Variants in MAGEB3 observed in about 807,000 individuals in gnomAD.
The protein encoded by MAGEB3 is melanoma-associated antigen B3.
For missense variants in MAGEB3, 191 were observed against 262.4 expected (o/e 0.73, Z 1.88); for synonymous variants, 91 against 93.0 (o/e 0.98, Z 0.12).
chrX:30,234,254 T>C (rs1052934186), intron 4 of MAGEB3, among the ~76,000 whole-genome samples: 10 of 109,587 alleles, frequency 9.1e-5, no homozygotes, highest in Non-Finnish European at 1.9e-4. Context: ...AATTTCAGGC[T>C]GTGATAAGAT....
Position 30,236,237 on chromosome X carries a change from C to G in MAGEB3, c.313C>G (p.Gln105Glu). 4 of 1,206,394 alleles carry G rather than the reference C, an allele frequency of 3.3e-6. No individual in the cohort carries two copies. The highest frequency in any genetic ancestry group is 3.4e-6 in the Non-Finnish European group (3 of 892,086). Residue 105 changes from glutamine to glutamate, a missense_variant, in exon 5 of 5, where the codon CAG (glutamine) becomes GAG (glutamate). Physicochemically the swap from Gln to Glu is conservative, Grantham distance 29. Transcript: ENST00000361644. Reference protein sequence around the residue: ...SFSQGLSSTVQSRTDPLIMKT... With the variant: ...SFSQGLSSTVESRTDPLIMKT... The stretch of plus-strand genomic sequence containing the variant: ...CTCTCAGGGTCTATCCTCCACTGTG[C>G]AGTCTCGCACAGACCCTCTAATCAT...
rs1298833123 is a variant in MAGEB3 at position 30,233,359 on chromosome X, T to C, written c.-66T>C. ...GAGTTCGAGGACTGGGAGGTGGAGGTTGTGGTAAGTCAAGATTGCGCGGCT... is the reference window on the plus strand; with the variant it reads ...GAGTTCGAGGACTGGGAGGTGGAGGCTGTGGTAAGTCAAGATTGCGCGGCT... On this transcript the variant is annotated 5_prime_UTR_variant, in exon 4 of 5. Transcript: ENST00000361644. The C allele has an allele frequency of 1.4e-5, 1 of 71,917 alleles. No individual in the cohort carries two copies. Among genetic ancestry groups the C allele is most frequent in the Non-Finnish European group, 2.6e-5 (1 of 38,549 alleles). The allele number at this position is 71,917 out of a possible 1,213,427, so 5.9% of individuals were successfully genotyped here.
chrX:30,235,964 A>C lies in MAGEB3; in HGVS notation c.40A>C (p.Lys14Gln), dbSNP rs912224434. 1.1e-5 allele frequency: 13 copies of C among 1,208,114 alleles called. No individual in the cohort carries two copies. Among genetic ancestry groups the C allele is most frequent in the African/African-American group, 1.8e-5 (1 of 56,908 alleles). ...GQKSTLHARE[K>Q]RQQTRGQTQD... Reference sequence around the variant, plus strand: ...GAAGAGTACGCTCCATGCACGTGAGAAACGCCAGCAGACCCGGGGTCAGAC... The same window carrying C: ...GAAGAGTACGCTCCATGCACGTGAGCAACGCCAGCAGACCCGGGGTCAGAC... The change falls in exon 5 of 5, where the codon AAA becomes CAA. Residue 14 changes from lysine (K) to glutamine (Q), a missense_variant. Physicochemically the swap from Lys to Gln is moderately conservative, Grantham distance 53 (BLOSUM62 1). Transcript: ENST00000361644.
At chrX:30,232,211 T>C (rs771593474) in intron 2 of MAGEB3, among the ~76,000 whole-genome samples, 1 of 111,470 alleles carries the variant, frequency 9.0e-6, no homozygotes, top group South Asian at 3.8e-4. Flanking sequence ...TAGGCGGAAC[T>C]ATAAAACTGG....
chrX:30,234,339 C>T (rs969694609), intron 4 of MAGEB3, among the ~76,000 whole-genome samples: 36 of 111,023 alleles, frequency 3.2e-4, no homozygotes, highest in African/African-American at 1.1e-3. Context: ...GAGTTCCACC[C>T]GTGTTGTCAG....
At position 30,236,235 on chromosome X, in the gene MAGEB3, T is replaced by C. The variant is rs1924974968; in HGVS notation, c.311T>C (p.Val104Ala). 1.7e-6 allele frequency: 2 copies of C among 1,209,531 alleles called. No individual in the cohort carries two copies. Among genetic ancestry groups the C allele is most frequent in the Non-Finnish European group, 2.2e-6 (2 of 893,918 alleles). ...TTCTCTCAGGGTCTATCCTCCACTGTGCAGTCTCGCACAGACCCTCTAATC... is the reference window on the plus strand; with the variant it reads ...TTCTCTCAGGGTCTATCCTCCACTGCGCAGTCTCGCACAGACCCTCTAATC... ...QSFSQGLSST[V>A]QSRTDPLIMK... Residue 104 changes from valine (V) to alanine (A), a missense_variant, in exon 5 of 5, where the codon GTG becomes GCG. By Grantham distance (64) the Val-to-Ala change is moderately conservative. Coordinates refer to ENST00000361644, the MANE Select transcript of MAGEB3 (RefSeq NM_002365.5).
chrX:30,236,744 C>T lies in MAGEB3; in HGVS notation c.820C>T (p.Leu274=), dbSNP rs1924992119. Residue 274 remains leucine (L), a synonymous_variant, in exon 5 of 5, where the codon CTG becomes TTG. Transcript: ENST00000361644. The part of the protein sequence containing the change: ...PNSNPARYEF[L]WGPRAHAETS... ...CAGTAATCCTGCACGCTATGAATTC[C>T]TGTGGGGTCCAAGAGCCCATGCTGA... The T allele has an allele frequency of 2.1e-5, 25 of 1,212,112 alleles. No homozygotes were observed. Among genetic ancestry groups the T allele is most frequent in the Non-Finnish European group, 2.7e-5 (24 of 895,563 alleles).
At chrX:30,235,171 C>A (rs2147338462) in intron 4 of MAGEB3, among the ~76,000 whole-genome samples, 1 of 111,579 alleles carries the variant, frequency 9.0e-6, no homozygotes, top group African/African-American at 3.3e-5. Flanking sequence ...AAAGAAGAGA[C>A]AACAAAGATT....
chrX:30,232,244 C>T (rs1924820200), intron 2 of MAGEB3, among the ~76,000 whole-genome samples: 1 of 111,466 alleles, frequency 9.0e-6, no homozygotes, highest in African/African-American at 3.3e-5. Context: ...TTCAGCCTGG[C>T]GGGTCTCAGG....
chrX:30,233,619 G>T (rs1232775595), intron 4 of MAGEB3, among the ~76,000 whole-genome samples: 10 of 106,771 alleles, frequency 9.4e-5, no homozygotes, highest in Middle Eastern at 9.5e-3. Context: ...TTTGGAGGTT[G>T]GCGGACTTCG....
chrX:30,233,787 TC>T (rs1280021280), intron 4 of MAGEB3, among the ~76,000 whole-genome samples: 1 of 111,786 alleles, frequency 8.9e-6, no homozygotes, highest in African/African-American at 3.3e-5. Flanking sequence ...CCCTCACAAC[TC>T]CCTGCCCCTT....
At chrX:30,235,643 C>G (rs1442619043) in intron 4 of MAGEB3, among the ~76,000 whole-genome samples, 1 of 111,875 alleles carries the variant, frequency 8.9e-6, no homozygotes, top group Non-Finnish European at 1.9e-5. Flanking sequence ...CGGCTGCTCT[C>G]AGTCCCAGTA....
intron 4 of MAGEB3, 125 bp downstream of exon 4, chrX:30,233,488 ACC>A (rs1924888347): frequency 1.0e-5 from 1 of 100,121 alleles, no homozygotes; most frequent in Non-Finnish European, 2.0e-5. Context: ...TAACCAGGGA[ACC>A]TCTCTCCAAA....
intron 2 of MAGEB3, among the ~76,000 whole-genome samples, chrX:30,232,456 CAA>C (rs772663436): frequency 1.5e-3 from 123 of 80,131 alleles, no homozygotes; most frequent in African/African-American, 2.8e-3. Context: ...CCTGTCTCTA[CAA>C]AAAAAAAAAA....
At chrX:30,231,330 C>T (rs1437653196) in intron 1 of MAGEB3, among the ~76,000 whole-genome samples, 187 bp from the exon 2 acceptor site, 1 of 103,517 alleles carries the variant, frequency 9.7e-6, no homozygotes, top group Non-Finnish European at 2.0e-5. Context: ...ATTAGCCGGG[C>T]GTGGTGCGGC....
intron 4 of MAGEB3, among the ~76,000 whole-genome samples, chrX:30,234,460 G>A (rs1043719035): frequency 5.4e-5 from 6 of 110,970 alleles, no homozygotes; most frequent in Non-Finnish European, 1.1e-4. Flanking sequence ...TCGGCAGAGG[G>A]TGAATTCCTT....
chrX:30,231,561 C>T lies in MAGEB3; in HGVS notation c.-311C>T, dbSNP rs1428078374. 5.1e-5 allele frequency: 5 copies of T among 98,436 alleles called. No individual in the cohort carries two copies. The highest frequency in any genetic ancestry group is 1.0e-4 in the Non-Finnish European group (5 of 49,431). The allele number at this position is 98,436 out of a possible 1,213,427, so 8.1% of individuals were successfully genotyped here. A position where few individuals can be genotyped will look rare whatever the true frequency, so the allele number is the denominator to read the frequency against. On this transcript the variant is annotated 5_prime_UTR_variant, in exon 2 of 5. The change creates a new upstream start codon in the 5' untranslated region. Transcript: ENST00000361644. ...TTGTAATCCCAACATTTTGGGAGGA[C>T]GAAGCCAGCCTCATCGCTTAAGCAC...
chrX:30,231,844 C>T (rs1430566324), intron 2 of MAGEB3, among the ~76,000 whole-genome samples: 1 of 108,948 alleles, frequency 9.2e-6, no homozygotes, highest in Non-Finnish European at 1.9e-5. Context: ...CCTAGACTTC[C>T]CCTCTAGGGA....
chrX:30,236,244 G>A lies in MAGEB3; in HGVS notation c.320G>A (p.Arg107His), dbSNP rs2071308. ...SQGLSSTVQS[R>H]TDPLIMKTNM... ...GGTCTATCCTCCACTGTGCAGTCTC[G>A]CACAGACCCTCTAATCATGAAGACA... Residue 107 changes from arginine (R) to histidine (H), a missense_variant, in exon 5 of 5, where the codon CGC becomes CAC. Arg to His is a conservative substitution (Grantham distance 29). Transcript: ENST00000361644. 549,123 of 1,205,915 alleles carry A rather than the reference G, an allele frequency of 0.46. 83,991 individuals are homozygous for A. Among genetic ancestry groups the A allele is most frequent in the South Asian group, 0.58 (32,778 of 56,307 alleles).
Sources: allele counts gnomAD v4.1 joint callset (sites outside exome capture counted in the v4.1 genomes callset), GRCh38; gene constraint gnomAD v4.1.1; transcripts MANE v1.5; gene names NCBI Gene and HGNC (gene_info 2026-07-23, HGNC 2026-07-21).